BACH2: variants seen among roughly 807,000 people sequenced by gnomAD.
The protein encoded by BACH2 is transcription regulator protein BACH2.
Under a neutral mutation model 61.8 loss-of-function variants are expected in BACH2, and 5 were observed. That is an observed-to-expected ratio of 0.08 (90% CI 0.04 to 0.17). The LOEUF is 0.17. Among genes scored for constraint, BACH2 ranks in the 10% least tolerant of loss-of-function variants. The pLI, the probability that BACH2 is intolerant of heterozygous loss-of-function variation, is 1.00. For missense variants in BACH2, 824 were observed against 1,091.1 expected, an observed-to-expected ratio of 0.76 and a Z score of 3.45; for synonymous variants, 446 against 440.1, an observed-to-expected ratio of 1.01 and a Z score of -0.17.
At chr6:90,238,818 A>C (rs1770340852) in intron 3 of BACH2, among the ~76,000 whole-genome samples, 2 of 152,148 alleles carry the variant, frequency 1.3e-5, no homozygotes, top group Admixed American at 1.3e-4. Context: ...AGAAATGATG[A>C]TGTGCTTCCT....
intron 4 of BACH2, among the ~76,000 whole-genome samples, chr6:90,109,292 C>T (rs542783128): frequency 1.3e-5 from 2 of 152,126 alleles, no homozygotes; most frequent in Non-Finnish European, 2.9e-5. Context: ...ACTCAGTCGT[C>T]AACTTCCTCC....
At chr6:90,212,222 G>A (rs936974593) in intron 3 of BACH2, among the ~76,000 whole-genome samples, 4 of 151,936 alleles carry the variant, frequency 2.6e-5, no homozygotes, top group African/African-American at 9.7e-5. Flanking sequence ...TTTTATTACA[G>A]AAAGCTAATC....
At chr6:90,231,756 A>G (rs774397425) in intron 3 of BACH2, among the ~76,000 whole-genome samples, 27 of 152,234 alleles carry the variant, frequency 1.8e-4, no homozygotes, top group Non-Finnish European at 3.1e-4. Context: ...TGCTTGTTTC[A>G]GAGATACAGC....
At chr6:90,014,105 T>C (rs1168560424) in intron 5 of BACH2, among the ~76,000 whole-genome samples, 1 of 152,046 alleles carries the variant, frequency 6.6e-6, no homozygotes, top group Non-Finnish European at 1.5e-5. Context: ...TTCTTATACA[T>C]TGTTGGATTC....
At chr6:89,977,576 A>G (rs1775722047) in intron 6 of BACH2, among the ~76,000 whole-genome samples, 1 of 152,262 alleles carries the variant, frequency 6.6e-6, no homozygotes, top group Non-Finnish European at 1.5e-5. Context: ...GGAGAAGAAT[A>G]GAAATTCATT....
At chr6:90,198,180 C>T (rs927183) in intron 4 of BACH2, among the ~76,000 whole-genome samples, 2,469 of 152,294 alleles carry the variant, frequency 0.016, 44 homozygotes, top group East Asian at 0.072. Flanking sequence ...CCTGCTAATG[C>T]TGTATGTAAC....
At position 90,278,634 on chromosome 6, in the gene BACH2, T is replaced by C. The variant is rs78583396; in HGVS notation, c.-445-6693A>G. ...TTCAATGCTCTGTACATTGTAGATATTAAATGCTTGCTACCCAGTGCTCTA... is the reference window on the plus strand; with the variant it reads ...TTCAATGCTCTGTACATTGTAGATACTAAATGCTTGCTACCCAGTGCTCTA... On this transcript the variant is annotated intron_variant, in intron 1 of 8. Coordinates refer to ENST00000257749, the MANE Select transcript of BACH2 (RefSeq NM_021813.4). Among the ~76,000 whole-genome samples the C allele has an allele frequency of 3.1e-3, 469 of 152,328 alleles. 2 individuals carry two copies. The highest frequency in any genetic ancestry group is 9.1e-3 in the African/African-American group (379 of 41,576).
chr6:90,220,144 A>T (rs889075184), intron 3 of BACH2, among the ~76,000 whole-genome samples: 2 of 152,192 alleles, frequency 1.3e-5, no homozygotes. Context: ...GAATTTTTTC[A>T]CAATGTTTCC....
intron 5 of BACH2, among the ~76,000 whole-genome samples, chr6:90,029,379 C>T (rs1358356936): frequency 2.0e-5 from 3 of 152,128 alleles, no homozygotes; most frequent in African/African-American, 7.2e-5. Context: ...AATGTGATGG[C>T]TCAATCCCTG....
At chr6:90,155,376 G>A (rs933701942) in intron 4 of BACH2, among the ~76,000 whole-genome samples, 3 of 152,184 alleles carry the variant, frequency 2.0e-5, no homozygotes, top group Non-Finnish European at 4.4e-5. Flanking sequence ...TGTTCCATTC[G>A]AAGACTATAT....
chr6:89,979,044 T>G (rs1285660833), intron 6 of BACH2, among the ~76,000 whole-genome samples: 1 of 152,174 alleles, frequency 6.6e-6, no homozygotes, highest in East Asian at 1.9e-4. Flanking sequence ...CTAAGGAAAG[T>G]GTATGTTTCC....
chr6:89,935,533 A>G (rs994234506), intron 8 of BACH2, among the ~76,000 whole-genome samples: 74 of 152,276 alleles, frequency 4.9e-4, no homozygotes, highest in African/African-American at 1.3e-3. Context: ...CCTTGGTTAA[A>G]ACCATGAAGC....
intron 6 of BACH2, among the ~76,000 whole-genome samples, chr6:89,986,949 C>A (rs931999923): frequency 5.3e-5 from 8 of 152,164 alleles, no homozygotes; most frequent in Non-Finnish European, 1.2e-4. Flanking sequence ...TAAAATTGAG[C>A]AATGAGTAGC....
chr6:90,239,995 A>C (rs1173483818), intron 3 of BACH2, among the ~76,000 whole-genome samples: 1 of 152,246 alleles, frequency 6.6e-6, no homozygotes, highest in Non-Finnish European at 1.5e-5. Context: ...AAGATCTAAA[A>C]ATTCATCTTA....
rs375801389 is a variant in BACH2 at position 89,977,077 on chromosome 6, A to C, written c.244-25215T>G. On this transcript the variant is annotated intron_variant, in intron 6 of 8. Coordinates refer to ENST00000257749, the MANE Select transcript of BACH2 (RefSeq NM_021813.4). ...TCATTTTTGCAATTTGGCAAATTTT[A>C]TCATGCAGTGAGAAATTATTATCTA... Among the ~76,000 whole-genome samples the C allele has an allele frequency of 1.1e-4, 16 of 152,302 alleles. 2 individuals carry two copies. The highest frequency in any genetic ancestry group is 6.5e-4 in the Admixed American group (10 of 15,296).
At chr6:89,970,706 C>T (rs571724877) in intron 6 of BACH2, among the ~76,000 whole-genome samples, 9 of 152,158 alleles carry the variant, frequency 5.9e-5, no homozygotes, top group Non-Finnish European at 1.2e-4. Context: ...CTGGCCCCCC[C>T]CAGATCTTAC....
Position 89,932,903 on chromosome 6 carries a change from G to GA in BACH2, c.2044-14dup. ...CTTTCTCACACACCTGGACAGTAGAGAAAAAAAGAGAAGGGTTGATCAAGC... is the reference window on the plus strand; with the variant it reads ...CTTTCTCACACACCTGGACAGTAGAGAAAAAAAAGAGAAGGGTTGATCAAGC... On this transcript the variant is annotated splice_polypyrimidine_tract_variant and intron_variant, in intron 8 of 8. Transcript: ENST00000257749. 2 of 1,542,526 alleles carry GA rather than the reference G, an allele frequency of 1.3e-6. No individual in the cohort carries two copies. Among genetic ancestry groups the GA allele is most frequent in the East Asian group, 2.3e-5 (1 of 43,968 alleles).
Position 89,951,323 on chromosome 6 carries a change from G to T in BACH2, c.783C>A (p.Asn261Lys), listed in dbSNP as rs1324536185. 2.5e-6 allele frequency: 4 copies of T among 1,614,110 alleles called. No homozygotes were observed. The highest frequency in any genetic ancestry group is 1.6e-4 in the Middle Eastern group (1 of 6,084). Residue 261 changes from asparagine to lysine, a missense_variant, in exon 7 of 9, where the codon AAC becomes AAA. Around this residue, in one of 8 missense-constraint regions of BACH2, gnomAD observed 226 missense variants for 228.5 expected, o/e 0.99. Transcript: ENST00000257749. The surrounding 1 kb of genome is among the most constrained non-coding windows in gnomAD (Gnocchi z 6.4). ...GCCCCGGCTTGAGGCTGTTGCTAGAGTTATCTTCCCGGAATGTGCTTGCAA... is the reference window on the plus strand; with the variant it reads ...GCCCCGGCTTGAGGCTGTTGCTAGATTTATCTTCCCGGAATGTGCTTGCAA... The part of the protein sequence containing the change: ...SGFASTFRED[N>K]SSNSLKPGLA...
chr6:90,153,193 A>C (rs1356304776), intron 4 of BACH2, among the ~76,000 whole-genome samples: 1 of 152,214 alleles, frequency 6.6e-6, no homozygotes, highest in Non-Finnish European at 1.5e-5. Flanking sequence ...ATCTAAAAAT[A>C]TAATTTTCAG....
Sources: allele counts gnomAD v4.1 joint callset (sites outside exome capture counted in the v4.1 genomes callset), GRCh38; gene constraint gnomAD v4.1.1; regional missense constraint gnomAD v4.1.1; non-coding constraint Gnocchi (gnomAD v3.1); transcripts MANE v1.5; gene names NCBI Gene and HGNC (gene_info 2026-07-23, HGNC 2026-07-21).